The following PMVK variants were observed in gnomAD, a reference collection of about 807,000 sequenced individuals.
PMVK encodes phosphomevalonate kinase, also known as testis tissue sperm-binding protein Li 95mP.
Under a neutral mutation model 19.0 loss-of-function variants are expected in PMVK, and 10 were observed. The observed-to-expected ratio is 0.53, with a 90% CI of 0.32 to 0.89. The LOEUF (loss-of-function observed/expected upper bound fraction) is 0.89, where lower values mean the gene tolerates loss of function less well. PMVK is among the 40% of genes least tolerant of loss of function. The pLI, the probability that PMVK is intolerant of heterozygous loss-of-function variation, is 0.03. For synonymous variants in PMVK, 108 were observed against 101.6 expected (o/e 1.06, Z -0.38); for missense variants, 222 against 251.1 (o/e 0.88, Z 0.78).
chr1:154,926,581 T>A, intron 3 of PMVK, 98 bp from the exon 4 acceptor site: 2 of 998,768 alleles, frequency 2.0e-6, no homozygotes, highest in Non-Finnish European at 3.0e-6. Context: ...GGGGTGTGGC[T>A]CTACCCCCCC....
intron 3 of PMVK, among the ~76,000 whole-genome samples, chr1:154,928,762 G>C (rs1212433350): frequency 6.8e-6 from 1 of 147,104 alleles, no homozygotes; most frequent in East Asian, 1.9e-4. Context: ...ACAAGTGTGA[G>C]ACTCCATCTC....
upstream of PMVK, chr1:154,936,813 G>A (rs772640211): frequency 5.7e-5 from 48 of 839,230 alleles, no homozygotes; most frequent in Non-Finnish European, 8.5e-5. Context: ...CCTCCTCGCC[G>A]TAGCTGCGAA....
intron 2 of PMVK, among the ~76,000 whole-genome samples, chr1:154,930,863 T>A (rs912532811): frequency 4.6e-5 from 7 of 152,026 alleles, no homozygotes; most frequent in South Asian, 2.1e-4. Flanking sequence ...AGTGGGAGGA[T>A]CACTTGAGCC....
intron 1 of PMVK, among the ~76,000 whole-genome samples, chr1:154,933,728 G>A (rs1411103583): frequency 1.3e-5 from 2 of 151,484 alleles, no homozygotes; most frequent in Non-Finnish European, 2.9e-5. Flanking sequence ...TCCTGATCTC[G>A]TGATCCGCCC....
intron 2 of PMVK, among the ~76,000 whole-genome samples, chr1:154,930,408 C>A (rs1654298794): frequency 6.6e-6 from 1 of 152,202 alleles, no homozygotes; most frequent in African/African-American, 2.4e-5. Flanking sequence ...TTGCAGTGAG[C>A]CAAGATCGTG....
rs1240824730 is a variant in PMVK at position 154,930,848 on chromosome 1, G to C, written c.159+1504C>G. Among the ~76,000 whole-genome samples the C allele has an allele frequency of 9.2e-5, 14 of 152,172 alleles. No individual in the cohort carries two copies. In the East Asian group the frequency reaches 2.7e-3, roughly 29 times the overall value. ...TGCCCAAATCCTAGCACTTTGGGAG[G>C]CCATAGTGGGAGGATCACTTGAGCC... On this transcript the variant is annotated intron_variant, in intron 2 of 4. Transcript: ENST00000368467.
In PMVK at chr1:154,924,783, G is replaced by T; in HGVS notation, c.*346C>A. ...TTAGTATCCACACTGGGGAGCTCTG[G>T]GTTCTTGCCCAGAACAAGGGGCTGA... On this transcript the variant is annotated 3_prime_UTR_variant, in exon 5 of 5. Coordinates refer to ENST00000368467, the MANE Select transcript of PMVK (RefSeq NM_006556.4). 3.7e-6 allele frequency: 1 copy of T among 271,114 alleles called. No homozygotes were observed. Among genetic ancestry groups the T allele is most frequent in the Non-Finnish European group, 7.2e-6 (1 of 139,038 alleles). The allele number at this position is 271,114 out of a possible 1,614,324, so 16.8% of individuals were successfully genotyped here.
intron 4 of PMVK, 41 bp from the exon 5 acceptor site, chr1:154,925,306 G>A: frequency 6.2e-7 from 1 of 1,611,166 alleles, no homozygotes; most frequent in Non-Finnish European, 8.5e-7. Flanking sequence ...CAGCCCTCCA[G>A]ACAGACAGCA....
the PMVK span, among the ~76,000 whole-genome samples, chr1:154,942,492 C>A: frequency 6.6e-6 from 1 of 152,218 alleles, no homozygotes. Context: ...GTGATGAGTG[C>A]GAGGATCGCC....
chr1:154,936,333 G>T, intron 1 of PMVK: 1 of 930,778 alleles, frequency 1.1e-6, no homozygotes, highest in Non-Finnish European at 1.3e-6. Flanking sequence ...TGCCTTCGTA[G>T]GAACCATTAT....
At chr1:154,936,734 C>T (rs181302437), upstream of PMVK, 6,870 of 1,498,078 alleles carry the variant, frequency 4.6e-3, 58 homozygotes, top group South Asian at 0.023. Context: ...CTCCCTACCC[C>T]TAAAATCGGG....
intron 4 of PMVK, among the ~76,000 whole-genome samples, chr1:154,925,622 A>G (rs1034390584): frequency 1.3e-5 from 2 of 152,206 alleles, no homozygotes; most frequent in African/African-American, 2.4e-5. Flanking sequence ...GTCTGACTCA[A>G]TCCCCTCAGG....
At chr1:154,929,207 G>T (rs367974520) in intron 2 of PMVK, 31 bp from the exon 3 acceptor site, 2 of 1,610,750 alleles carry the variant, frequency 1.2e-6, no homozygotes, top group African/African-American at 2.7e-5. Context: ...CTACGTCACC[G>T]GCCTTTCAAC....
intron 3 of PMVK, among the ~76,000 whole-genome samples, chr1:154,927,038 A>G (rs1654186247): frequency 6.6e-6 from 1 of 152,164 alleles, no homozygotes. Context: ...CACACCCCAC[A>G]GCCAACCCAA....
chr1:154,926,121 G>C (rs551151949), intron 4 of PMVK, among the ~76,000 whole-genome samples: 133 of 152,316 alleles, frequency 8.7e-4, no homozygotes, highest in Non-Finnish European at 5.3e-4. Flanking sequence ...AAGAATCATG[G>C]GGGTGGGTCC....
chr1:154,934,436 C>T (rs1428448589), intron 1 of PMVK, among the ~76,000 whole-genome samples: 1 of 152,182 alleles, frequency 6.6e-6, no homozygotes, highest in Non-Finnish European at 1.5e-5. Context: ...CGCACCTCAG[C>T]CTCCTGAGTA....
intron 2 of PMVK, among the ~76,000 whole-genome samples, chr1:154,929,917 T>A (rs988705810): frequency 6.6e-6 from 1 of 152,138 alleles, no homozygotes; most frequent in Non-Finnish European, 1.5e-5. Context: ...GGCTCTCAAT[T>A]TCTTGATCAC....
chr1:154,936,485 A>G lies in PMVK; in HGVS notation c.95+106T>C, dbSNP rs980092784. ...AGCCCAGTGCTCCTCCTGCCTTGCA[A>G]ACGGACGACCCGTACTCCAAAGCTC... On this transcript the variant is annotated intron_variant, in intron 1 of 4. Transcript: ENST00000368467. The G allele has an allele frequency of 1.2e-5, 18 of 1,505,610 alleles. 1 individual carries two copies. In the South Asian group the frequency reaches 1.9e-4, roughly 16 times the overall value. The allele number at this position is 1,505,610 out of a possible 1,614,324, so 93.3% of individuals were successfully genotyped here.
intron 2 of PMVK, among the ~76,000 whole-genome samples, chr1:154,929,950 GAGGAGGTCAGT>G (rs1558030720): frequency 6.6e-6 from 1 of 152,220 alleles, no homozygotes; most frequent in African/African-American, 2.4e-5. Context: ...CTTGCTGCAA[GAGGAGGTCAGT>G]AGCCACCTCC....
Sources: gnomAD v4.1 joint callset for allele counts (sites outside exome capture counted in the v4.1 genomes callset) on GRCh38, gnomAD v4.1.1 for gene constraint, MANE v1.5 for transcripts, NCBI Gene and HGNC (gene_info 2026-07-23, HGNC 2026-07-21) for gene names.